The following KALRN variants were observed in gnomAD, a reference collection of about 807,000 sequenced individuals.
KALRN encodes kalirin.
Under a neutral mutation model 353.7 loss-of-function variants are expected in KALRN, and 70 were observed. That is an observed-to-expected ratio of 0.20 (90% CI 0.16 to 0.24). KALRN has a LOEUF of 0.24. Among genes scored for constraint, KALRN ranks in the 10% least tolerant of loss-of-function variants. The pLI, the probability that KALRN is intolerant of heterozygous loss-of-function variation, is 1.00. For missense variants in KALRN, 2,791 were observed against 3,756.7 expected, an observed-to-expected ratio of 0.74 and a Z score of 6.72; for synonymous variants, 1,391 against 1,434.8, an observed-to-expected ratio of 0.97 and a Z score of 0.69.
intron 10 of KALRN, among the ~76,000 whole-genome samples, chr3:124,371,999 T>C (rs950685709): frequency 1.4e-4 from 21 of 152,220 alleles, no homozygotes; most frequent in African/African-American, 5.1e-4. Flanking sequence ...CCCTGAGTTC[T>C]ATTGATTTGA....
intron 10 of KALRN, among the ~76,000 whole-genome samples, chr3:124,380,000 G>C (rs914230867): frequency 5.9e-5 from 9 of 152,020 alleles, no homozygotes; most frequent in Admixed American, 5.2e-4. Flanking sequence ...CCACTGTGAG[G>C]GGCATTTTCT....
intron 1 of KALRN, among the ~76,000 whole-genome samples, chr3:124,218,777 A>G (rs965369307): frequency 1.3e-5 from 2 of 152,210 alleles, no homozygotes; most frequent in African/African-American, 2.4e-5. Flanking sequence ...TCAAACTAAT[A>G]TTAAATCTTG....
intron 41 of KALRN, 146 bp downstream of exon 41, chr3:124,657,949 T>G: frequency 1.5e-6 from 1 of 649,516 alleles, no homozygotes; most frequent in Admixed American, 2.6e-5. Context: ...ACCCCAGGAA[T>G]TGAGACCAGC....
rs547043979 is a variant in KALRN, at chr3:124,720,742, C to T, written c.*1272C>T. 2 of 152,332 alleles carry T rather than the reference C, an allele frequency of 1.3e-5. No homozygotes were observed. The highest frequency in any genetic ancestry group is 4.1e-4 in the South Asian group (2 of 4,826). The allele number at this position is 152,332 out of a possible 1,614,324, so 9.4% of individuals were successfully genotyped here. Reference sequence around the variant, plus strand: ...CCAATGCTGCTTTCTGGTGTATATTCTCCATACAAGATTATTATTAACTGC... The same window carrying T: ...CCAATGCTGCTTTCTGGTGTATATTTTCCATACAAGATTATTATTAACTGC... On this transcript the variant is annotated 3_prime_UTR_variant, in exon 60 of 60. Coordinates refer to ENST00000682506, the MANE Select transcript of KALRN (RefSeq NM_001388419.1).
chr3:124,690,724 C>T (rs1037103276), intron 51 of KALRN, among the ~76,000 whole-genome samples: 2 of 152,214 alleles, frequency 1.3e-5, no homozygotes, highest in African/African-American at 2.4e-5. Context: ...AACATTTGCT[C>T]TGCACTTCCT....
intron 6 of KALRN, among the ~76,000 whole-genome samples, chr3:124,323,248 C>A (rs1407053780): frequency 6.6e-6 from 1 of 152,152 alleles, no homozygotes; most frequent in Non-Finnish European, 1.5e-5. Context: ...ATGCGGGGAG[C>A]CTCTTCCCAA....
At chr3:124,251,801 G>A (rs2071213888) in intron 3 of KALRN, among the ~76,000 whole-genome samples, 1 of 152,178 alleles carries the variant, frequency 6.6e-6, no homozygotes, top group African/African-American at 2.4e-5. Flanking sequence ...CTATACCTGG[G>A]AATGTTGGGT....
At chr3:124,200,562 C>T (rs1366863782) in intron 1 of KALRN, among the ~76,000 whole-genome samples, 2 of 152,160 alleles carry the variant, frequency 1.3e-5, no homozygotes, top group East Asian at 1.9e-4. Context: ...AATACCATCA[C>T]GTCGTACTTA....
At chr3:124,685,690 C>T (rs1318015823) in intron 51 of KALRN, among the ~76,000 whole-genome samples, 1 of 152,302 alleles carries the variant, frequency 6.6e-6, no homozygotes, top group South Asian at 2.1e-4. Context: ...CTCAATGACT[C>T]AAGAGCCCAG....
Position 124,441,965 on chromosome 3 carries a change from G to A in KALRN, c.3219G>A (p.Arg1073=). 1 of 1,593,258 alleles carries A rather than the reference G, an allele frequency of 6.3e-7. No individual in the cohort carries two copies. The highest frequency in any genetic ancestry group is 8.6e-7 in the Non-Finnish European group (1 of 1,165,390). Residue 1073 remains arginine (R), a synonymous_variant, in exon 19 of 60, where the codon CGG becomes CGA. Transcript: ENST00000682506. ...CGCAGGCCTGCACCCTGGCTCGGCG[G>A]AATGCTGAGGTGTTTCTCAAGTACA... is the stretch of plus-strand genomic sequence containing the variant. ...AFLKACTLAR[R]NAEVFLKYIH...
intron 29 of KALRN, chr3:124,488,536 G>A (rs1248421721): frequency 1.9e-6 from 1 of 516,124 alleles, no homozygotes; most frequent in East Asian, 3.3e-5. Context: ...AGCCACTGGA[G>A]GTTATGTGGA....
chr3:124,200,754 C>T (rs1429667480), intron 1 of KALRN, among the ~76,000 whole-genome samples: 1 of 152,106 alleles, frequency 6.6e-6, no homozygotes, highest in Non-Finnish European at 1.5e-5. Flanking sequence ...ATATTTTTTT[C>T]ACAGCTTTTC....
chr3:124,646,738 T>C (rs1222638076), intron 37 of KALRN, among the ~76,000 whole-genome samples: 1 of 151,654 alleles, frequency 6.6e-6, no homozygotes. Context: ...TTCTGACGAA[T>C]ATAAGAAATA....
At chr3:124,196,688 T>C (rs1214747266) in intron 1 of KALRN, among the ~76,000 whole-genome samples, 1 of 152,216 alleles carries the variant, frequency 6.6e-6, no homozygotes, top group Non-Finnish European at 1.5e-5. Context: ...TTATAACCTT[T>C]TTAAAACCTA....
At chr3:124,143,762 T>C (rs1029666424) in intron 1 of KALRN, among the ~76,000 whole-genome samples, 1 of 152,182 alleles carries the variant, frequency 6.6e-6, no homozygotes, top group Admixed American at 6.5e-5. Flanking sequence ...ACAATTTTGG[T>C]GTCCTAAAAG....
chr3:124,102,970 C>T (rs754052279), intron 1 of KALRN, among the ~76,000 whole-genome samples: 4 of 152,106 alleles, frequency 2.6e-5, no homozygotes, highest in Non-Finnish European at 4.4e-5. Flanking sequence ...GAAACAGGCT[C>T]GTAGAGATTA....
intron 5 of KALRN, among the ~76,000 whole-genome samples, chr3:124,290,706 T>G (rs1366888348): frequency 6.6e-6 from 1 of 152,118 alleles, no homozygotes; most frequent in Non-Finnish European, 1.5e-5. Context: ...ATATTGAGGG[T>G]TAATATTGGG....
chr3:124,317,291 T>C (rs778133152), intron 6 of KALRN, among the ~76,000 whole-genome samples: 3 of 152,180 alleles, frequency 2.0e-5, no homozygotes, highest in Non-Finnish European at 4.4e-5. Flanking sequence ...GGGCAGTAGG[T>C]GCTAACTGTA....
chr3:124,496,466 A>G (rs2108559070), intron 33 of KALRN, 53 bp downstream of exon 33: 1 of 1,290,240 alleles, frequency 7.8e-7, no homozygotes, highest in East Asian at 2.3e-5. Context: ...TGGCTCAACC[A>G]CCCCTGGAGA....
Sources: gnomAD v4.1 joint callset for allele counts (sites outside exome capture counted in the v4.1 genomes callset) on GRCh38, gnomAD v4.1.1 for gene constraint, MANE v1.5 for transcripts, NCBI Gene and HGNC (gene_info 2026-07-23, HGNC 2026-07-21) for gene names.